The following ZNF711 variants were observed in gnomAD, a reference collection of about 807,000 sequenced individuals.
ZNF711 encodes ZFX family zinc finger ZNF711.
ZNF711 carries 3 observed loss-of-function variants against 43.5 expected under a neutral mutation model. That is an observed-to-expected ratio of 0.07 (90% confidence interval 0.03 to 0.18). ZNF711 has a LOEUF of 0.18. ZNF711 is among the 10% of genes least tolerant of loss of function. The pLI is 1.00. For missense variants in ZNF711, 412 were observed against 604.0 expected (o/e 0.68, Z 3.33); for synonymous variants, 209 against 207.7 (o/e 1.01, Z -0.06).
intron 5 of ZNF711, among the ~76,000 whole-genome samples, chrX:85,257,539 A>G (rs1930272382): frequency 8.9e-6 from 1 of 112,223 alleles, no homozygotes; most frequent in African/African-American, 3.2e-5. Flanking sequence ...TCTGTGGTGT[A>G]TATGTACCAC....
At chrX:85,262,797 A>G (rs753020871) in intron 5 of ZNF711, among the ~76,000 whole-genome samples, 133 of 110,642 alleles carry the variant, frequency 1.2e-3, no homozygotes, top group African/African-American at 4.1e-3. Context: ...TCTGCAATGT[A>G]AAAATAATTT....
At chrX:85,245,271 A>G (rs1260557501) in intron 1 of ZNF711, among the ~76,000 whole-genome samples, 1 of 111,127 alleles carries the variant, frequency 9.0e-6, no homozygotes, top group Non-Finnish European at 1.9e-5. Context: ...TGTGATTTCT[A>G]CTCCCCATGC....
chrX:85,251,632 G>T (rs769153409), intron 4 of ZNF711, among the ~76,000 whole-genome samples: 1 of 110,831 alleles, frequency 9.0e-6, no homozygotes, highest in Admixed American at 9.6e-5. Flanking sequence ...TTTTCTTATT[G>T]TTTATAATTT....
rs1299857554 is a variant in ZNF711, at chrX:85,271,801, G to A, written c.2397G>A (p.Met799Ile). The change falls in exon 11 of 11, where the codon ATG (methionine) becomes ATA (isoleucine). Residue 799 changes from methionine (M) to isoleucine (I), a missense_variant. Coordinates refer to ENST00000674551, the MANE Select transcript of ZNF711 (RefSeq NM_001330574.2). ...CATCAGAAAAAAATCAGCATATTAT[G>A]AGGCACCACAAAGAGGCTCTTATGT... ...RRPSEKNQHI[M>I]RHHKEALM 1.7e-6 allele frequency: 2 copies of A among 1,209,602 alleles called. No individual in the cohort carries two copies. Among genetic ancestry groups the A allele is most frequent in the South Asian group, 1.8e-5 (1 of 56,923 alleles).
chrX:85,262,989 G>A lies in ZNF711; in HGVS notation c.623-1286G>A, dbSNP rs779455180. On this transcript the variant is annotated intron_variant, in intron 5 of 10. Coordinates refer to ENST00000674551, the MANE Select transcript of ZNF711 (RefSeq NM_001330574.2). Reference sequence around the variant, plus strand: ...ATGTCACTTTATTCTGTTTTTAATGGTTCTAGAATTGTTAGATGTATGTAG... The same window carrying A: ...ATGTCACTTTATTCTGTTTTTAATGATTCTAGAATTGTTAGATGTATGTAG... 6.4e-5 allele frequency among the ~76,000 whole-genome samples: 7 copies of A among 109,806 alleles called. No individual in the cohort carries two copies. In the South Asian group the frequency reaches 2.7e-3, roughly 42 times the overall value.
chrX:85,255,870 A>T (rs1430549296), intron 5 of ZNF711, 69 bp downstream of exon 5: 1 of 1,037,397 alleles, frequency 9.6e-7, no homozygotes, highest in African/African-American at 1.9e-5. Flanking sequence ...GTTTTCTGGG[A>T]TGAGGGATAT....
At chrX:85,254,777 G>C (rs912145143) in intron 4 of ZNF711, among the ~76,000 whole-genome samples, 1 of 101,180 alleles carries the variant, frequency 9.9e-6, no homozygotes, top group African/African-American at 3.6e-5. Context: ...ACTCCAGCCC[G>C]GGCGATAGAG....
In ZNF711 at chrX:85,268,268, CTTT is replaced by C. The variant is rs753221892; in HGVS notation, c.1055-5_1055-3del. On this transcript the variant is annotated intron_variant, in intron 8 of 10. Transcript: ENST00000674551. ...ATTAGCATATCAGTTTGTAATTGGT[CTTT>C]TTTTTTTTTTTTTTTTTTTTAGGAG... 8,664 of 877,175 alleles carry C rather than the reference CTTT, an allele frequency of 9.9e-3. No individual in the cohort carries two copies. Among genetic ancestry groups the C allele is most frequent in the Non-Finnish European group, 0.01 (6,886 of 667,004 alleles). The allele number at this position is 877,175 out of a possible 1,213,427, so 72.3% of individuals were successfully genotyped here.
chrX:85,248,472 C>CAAAA (rs1166126484), intron 4 of ZNF711, among the ~76,000 whole-genome samples: 42 of 19,942 alleles, frequency 2.1e-3, no homozygotes, highest in East Asian at 3.9e-3. Context: ...GACTCAGTCT[C>CAAAA]AAAAAAAAAA....
At chrX:85,262,518 G>A (rs1930746526) in intron 5 of ZNF711, among the ~76,000 whole-genome samples, 1 of 109,478 alleles carries the variant, frequency 9.1e-6, no homozygotes, top group Non-Finnish European at 1.9e-5. Flanking sequence ...ACTTACTCAT[G>A]ATTTTTTCTA....
intron 5 of ZNF711, among the ~76,000 whole-genome samples, chrX:85,260,134 A>T (rs999250967): frequency 9.0e-6 from 1 of 111,282 alleles, no homozygotes; most frequent in African/African-American, 3.3e-5. Flanking sequence ...AGCTTTTCCC[A>T]TATCTACTGC....
intron 1 of ZNF711, among the ~76,000 whole-genome samples, chrX:85,245,083 G>A (rs1417412511): frequency 8.9e-6 from 1 of 111,812 alleles, no homozygotes; most frequent in Non-Finnish European, 1.9e-5. Context: ...AGAGGGCTGC[G>A]TCCAAAGCTG....
intron 4 of ZNF711, among the ~76,000 whole-genome samples, chrX:85,249,894 C>T (rs1291375666): frequency 2.7e-5 from 3 of 111,759 alleles, no homozygotes; most frequent in African/African-American, 9.8e-5. Flanking sequence ...CCTAGGCAGC[C>T]ACTAATCTTT....
chrX:85,249,845 C>A (rs1380279467), intron 4 of ZNF711, among the ~76,000 whole-genome samples: 2 of 111,443 alleles, frequency 1.8e-5, no homozygotes, highest in African/African-American at 6.5e-5. Flanking sequence ...ACCTCATACC[C>A]ATTAGCAGTC....
At chrX:85,254,042 C>T (rs972841199) in intron 4 of ZNF711, among the ~76,000 whole-genome samples, 2 of 111,147 alleles carry the variant, frequency 1.8e-5, no homozygotes, top group African/African-American at 3.3e-5. Context: ...ACCAACCATT[C>T]ACCTGCTAAA....
chrX:85,248,863 C>T (rs1170720256), intron 4 of ZNF711, among the ~76,000 whole-genome samples: 2 of 111,721 alleles, frequency 1.8e-5, no homozygotes, highest in Non-Finnish European at 3.8e-5. Context: ...TCATTTGGTC[C>T]CCTGTAGTAA....
intron 1 of ZNF711, among the ~76,000 whole-genome samples, chrX:85,245,406 C>A (rs902149930): frequency 3.6e-5 from 4 of 112,487 alleles, no homozygotes; most frequent in African/African-American, 1.3e-4. Flanking sequence ...ATACTTAACA[C>A]ACTGCTGTTT....
chrX:85,266,366 G>T (rs1221451896), intron 7 of ZNF711, among the ~76,000 whole-genome samples: 1 of 111,237 alleles, frequency 9.0e-6, no homozygotes, highest in Non-Finnish European at 1.9e-5. Flanking sequence ...TATTGGTAAG[G>T]AAAGGGGCAC....
chrX:85,259,430 GA>G (rs1930447213), intron 5 of ZNF711, among the ~76,000 whole-genome samples: 1 of 111,159 alleles, frequency 9.0e-6, no homozygotes, highest in African/African-American at 3.3e-5. Flanking sequence ...CCAATTCTGT[GA>G]AAATGACGTT....
Sources: allele counts gnomAD v4.1 joint callset (sites outside exome capture counted in the v4.1 genomes callset), GRCh38; gene constraint gnomAD v4.1.1; transcripts MANE v1.5; gene names NCBI Gene and HGNC (gene_info 2026-07-23, HGNC 2026-07-21).